The following SLF2 variants were observed in gnomAD, a reference collection of about 807,000 sequenced individuals.
SLF2 encodes SMC5-SMC6 complex localization factor protein 2.
A neutral mutation model predicts 124.3 loss-of-function variants in SLF2; 68 were observed. That is an observed-to-expected ratio of 0.55 (90% CI 0.45 to 0.67). SLF2 has a LOEUF of 0.67. SLF2 is among the 30% of genes least tolerant of loss of function. The probability of loss-of-function intolerance (pLI) is 0.00; values close to 1 mark genes in which losing one functional copy is unlikely to be tolerated. For missense variants in SLF2, 1,246 were observed against 1,373.7 expected (o/e 0.91, Z 1.47); for synonymous variants, 480 against 478.8 (o/e 1.00, Z -0.03).
chr10:100,960,998 C>CTTTTTTT lies in SLF2; in HGVS notation c.3487-856_3487-850dup, dbSNP rs59983480. Among the ~76,000 whole-genome samples, 457 of 61,396 alleles carry CTTTTTTT rather than the reference C, an allele frequency of 7.4e-3. 95 individuals are homozygous for CTTTTTTT. The highest frequency in any genetic ancestry group is 8.3e-3 in the Non-Finnish European group (292 of 35,358). 40.3% of individuals were successfully genotyped at this position (61,396 alleles called of 152,430 possible). A position where few individuals can be genotyped will look rare whatever the true frequency, so the allele number is the denominator to read the frequency against. On this transcript the variant is annotated intron_variant, in intron 19 of 19. Coordinates refer to ENST00000238961, the MANE Select transcript of SLF2 (RefSeq NM_018121.4). ...GTGAGAACTGAGATATTCTGTACTT[C>CTTTTTTT]TTTTTTTTTTTTTTTTTTTTTTTTT...
rs1849564625 is a variant in SLF2 at position 100,924,047 on chromosome 10, GA to G, written c.1047del (p.Glu350AsnfsTer3). On this transcript the variant is annotated frameshift_variant, in exon 5 of 20. Coordinates refer to ENST00000238961, the MANE Select transcript of SLF2 (RefSeq NM_018121.4). LOFTEE classifies it high-confidence loss of function. ...GTGGACTCAGATCTGAAAAGCACAA[GA>G]GAATCTATGATACCAAAAGCAAGAG... is the stretch of plus-strand genomic sequence containing the variant. ...NSVDSDLKST[R>X]ESMIPKARES... 1 of 1,606,340 alleles carries G rather than the reference GA, an allele frequency of 6.2e-7. No individual in the cohort carries two copies. The highest frequency in any genetic ancestry group is 1.7e-5 in the Admixed American group (1 of 57,468).
At chr10:100,959,329 G>C in intron 18 of SLF2, 99 bp from the exon 19 acceptor site, 1 of 1,053,696 alleles carries the variant, frequency 9.5e-7, no homozygotes, top group South Asian at 2.1e-5. Flanking sequence ...TGTTGAGTGT[G>C]GGCCTGTTGC....
chr10:100,954,217 C>T (rs1341135015), intron 17 of SLF2, among the ~76,000 whole-genome samples: 1 of 152,088 alleles, frequency 6.6e-6, no homozygotes, highest in East Asian at 1.9e-4. Flanking sequence ...GTGGTCATGC[C>T]ACTGCCCTCC....
chr10:100,954,520 T>C (rs1477638620), intron 17 of SLF2, among the ~76,000 whole-genome samples: 1 of 152,204 alleles, frequency 6.6e-6, no homozygotes, highest in Admixed American at 6.5e-5. Context: ...CAGAAAGTGT[T>C]CATTTACGTT....
chr10:100,920,184 AAT>A (rs1217928064), intron 4 of SLF2, among the ~76,000 whole-genome samples: 56 of 152,208 alleles, frequency 3.7e-4, no homozygotes, highest in Non-Finnish European at 1.0e-4. Flanking sequence ...GCACATTTTT[AAT>A]ACTAAATACA....
At chr10:100,954,112 C>A (rs1472568520) in intron 17 of SLF2, among the ~76,000 whole-genome samples, 1 of 151,904 alleles carries the variant, frequency 6.6e-6, no homozygotes, top group Non-Finnish European at 1.5e-5. Flanking sequence ...AAAAAATTAA[C>A]CGGGCATGGT....
intron 4 of SLF2, among the ~76,000 whole-genome samples, chr10:100,921,765 C>CT (rs1382302074): frequency 6.6e-6 from 1 of 152,192 alleles, no homozygotes; most frequent in African/African-American, 2.4e-5. Flanking sequence ...GAACAAAACT[C>CT]AAACTGGCAG....
rs1177664856 is a variant in SLF2 at position 100,916,766 on chromosome 10, TATACATG to T, written c.383_389del (p.Ile128SerfsTer9). ...TTAAAGAGCACCATGAAGATCATGG[TATACATG>T]AGTCACGTCGGCCTTGTCTGTCACT... On this transcript the variant is annotated frameshift_variant, in exon 3 of 20. Coordinates refer to ENST00000238961, the MANE Select transcript of SLF2 (RefSeq NM_018121.4). LOFTEE classifies it high-confidence loss of function. 6.2e-7 allele frequency: 1 copy of T among 1,612,084 alleles called. No homozygotes were observed. Among genetic ancestry groups the T allele is most frequent in the Non-Finnish European group, 8.5e-7 (1 of 1,179,278 alleles).
At chr10:100,951,608 T>C (rs1850215169) in intron 17 of SLF2, among the ~76,000 whole-genome samples, 1 of 152,234 alleles carries the variant, frequency 6.6e-6, no homozygotes, top group Admixed American at 6.5e-5. Flanking sequence ...TGAAACTCCA[T>C]GTTGGCCACT....
intron 10 of SLF2, 49 bp from the exon 11 acceptor site, chr10:100,938,546 G>T: frequency 6.4e-7 from 1 of 1,561,120 alleles, no homozygotes; most frequent in African/African-American, 1.4e-5. Flanking sequence ...TGCAAATGTG[G>T]GTTTGTAGAC....
In SLF2 at chr10:100,924,711, A is replaced by G; in HGVS notation, c.1710A>G (p.Ala570=). ...LEVVPCIPSP[A]APSDKAPSEG... The stretch of plus-strand genomic sequence containing the variant: ...TTGTGCCATGTATCCCAAGCCCTGC[A>G]GCACCTTCAGATAAAGCCCCTTCAG... The change falls in exon 5 of 20, where the codon GCA becomes GCG. Residue 570 remains alanine, a synonymous_variant. Coordinates refer to ENST00000238961, the MANE Select transcript of SLF2 (RefSeq NM_018121.4). 6.2e-7 allele frequency: 1 copy of G among 1,614,200 alleles called. No individual in the cohort carries two copies. Among genetic ancestry groups the G allele is most frequent in the Non-Finnish European group, 8.5e-7 (1 of 1,180,034 alleles).
At chr10:100,942,557 C>T (rs1457313194) in intron 11 of SLF2, among the ~76,000 whole-genome samples, 2 of 152,064 alleles carry the variant, frequency 1.3e-5, no homozygotes, top group Non-Finnish European at 2.9e-5. Flanking sequence ...GTCTTGCTGT[C>T]GCCCAGGCTG....
intron 19 of SLF2, among the ~76,000 whole-genome samples, chr10:100,960,178 T>C (rs546094911): frequency 6.6e-6 from 1 of 152,368 alleles, no homozygotes; most frequent in South Asian, 2.1e-4. Flanking sequence ...TATCTACTTA[T>C]CAGACATTTG....
chr10:100,945,554 A>AT, intron 13 of SLF2, 48 bp downstream of exon 13: 2 of 1,401,490 alleles, frequency 1.4e-6, no homozygotes, highest in Non-Finnish European at 1.9e-6. Flanking sequence ...TAGCATTACA[A>AT]TTTGACTCAT....
rs114550693 is a variant in SLF2 at position 100,959,363 on chromosome 10, G to A, written c.3418-65G>A. 1,111 of 1,485,998 alleles carry A rather than the reference G, an allele frequency of 7.5e-4. 12 individuals carry two copies. The African/African-American group carries it at 0.014, about 18-fold the overall frequency. 92.1% of individuals were successfully genotyped at this position (1,485,998 alleles called of 1,614,324 possible). A position where few individuals can be genotyped will look rare whatever the true frequency, so the allele number is the denominator to read the frequency against. On this transcript the variant is annotated intron_variant, in intron 18 of 19. Coordinates refer to ENST00000238961, the MANE Select transcript of SLF2 (RefSeq NM_018121.4). ...GCAGCTGTCAGATATTTTGTGTAGT[G>A]TTAAGCTGATTGTAGGTGAGAATGT...
intron 1 of SLF2, 49 bp downstream of exon 1, chr10:100,913,299 A>AT (rs1564767358): frequency 1.4e-6 from 2 of 1,481,338 alleles, no homozygotes; most frequent in Non-Finnish European, 1.8e-6. Context: ...GGGCAAGGGT[A>AT]TGAGGGGAGG....
rs767130757 is a variant in SLF2 at position 100,924,032 on chromosome 10, A to T, written c.1031A>T (p.Asp344Val). Residue 344 changes from aspartate to valine, a missense_variant, in exon 5 of 20, where the codon GAT (aspartate) becomes GTT (valine). Around this residue, in one of 3 missense-constraint regions of SLF2, gnomAD observed 698 missense variants for 708.9 expected, o/e 0.98. Coordinates refer to ENST00000238961, the MANE Select transcript of SLF2 (RefSeq NM_018121.4). ...AGAAAAAGGAACTCTGTGGACTCAGATCTGAAAAGCACAAGAGAATCTATG... is the reference window on the plus strand; with the variant it reads ...AGAAAAAGGAACTCTGTGGACTCAGTTCTGAAAAGCACAAGAGAATCTATG... ...EKRKRNSVDSDLKSTRESMIP... is the reference protein window; with the variant it reads ...EKRKRNSVDSVLKSTRESMIP... The T allele has an allele frequency of 1.9e-6, 3 of 1,594,468 alleles. No individual in the cohort carries two copies. The highest frequency in any genetic ancestry group is 2.6e-6 in the Non-Finnish European group (3 of 1,174,268).
intron 17 of SLF2, among the ~76,000 whole-genome samples, chr10:100,953,221 C>G (rs889479611): frequency 6.6e-6 from 1 of 151,668 alleles, no homozygotes; most frequent in Non-Finnish European, 1.5e-5. Context: ...GGGGTTTCAC[C>G]ATGTTGATCA....
intron 12 of SLF2, among the ~76,000 whole-genome samples, 181 bp downstream of exon 12, chr10:100,944,309 C>T (rs534253094): frequency 5.3e-5 from 8 of 151,900 alleles, no homozygotes; most frequent in Admixed American, 2.6e-4. Context: ...TCCTGGCTAA[C>T]ACGGTGAAAA....
Sources: gnomAD v4.1 joint callset for allele counts (sites outside exome capture counted in the v4.1 genomes callset) on GRCh38, gnomAD v4.1.1 for gene constraint, gnomAD v4.1.1 regional missense constraint, MANE v1.5 for transcripts, NCBI Gene and HGNC (gene_info 2026-07-23, HGNC 2026-07-21) for gene names.